The following SUGCT variants were observed in gnomAD, a reference collection of about 807,000 sequenced individuals.
SUGCT encodes succinyl-CoA:glutarate-CoA transferase.
SUGCT carries 41 observed loss-of-function variants against 55.0 expected under a neutral mutation model. That is an observed-to-expected ratio of 0.74 (90% CI 0.58 to 0.97). The LOEUF is 0.97. Ranked by LOEUF, SUGCT falls within the 50% of genes least tolerant of loss-of-function variation. The pLI is 0.00. For synonymous variants in SUGCT, 187 were observed against 200.4 expected, an observed-to-expected ratio of 0.93 and a Z score of 0.56; for missense variants, 568 against 547.8, an observed-to-expected ratio of 1.04 and a Z score of -0.37.
chr7:40,589,224 C>T (rs1340955242), intron 12 of SUGCT, among the ~76,000 whole-genome samples: 1 of 151,934 alleles, frequency 6.6e-6, no homozygotes, highest in African/African-American at 2.4e-5. Context: ...TATGTACCTC[C>T]TTTTTCTTCT....
chr7:40,497,892 C>T lies in SUGCT; in HGVS notation c.1089+1506C>T, dbSNP rs191198109. 2.7e-3 allele frequency among the ~76,000 whole-genome samples: 414 copies of T among 151,826 alleles called. 2 individuals carry two copies. Among genetic ancestry groups the T allele is most frequent in the African/African-American group, 9.1e-3 (379 of 41,478 alleles). ...TAAAAATATATTAAGTATATTCTAA[C>T]ACTACCTATTTTTTAGGCTTTGATA... is the stretch of plus-strand genomic sequence containing the variant. On this transcript the variant is annotated intron_variant, in intron 12 of 13. Coordinates refer to ENST00000335693, the MANE Select transcript of SUGCT (RefSeq NM_001193313.2).
At chr7:40,631,264 A>G (rs1247769062) in intron 12 of SUGCT, among the ~76,000 whole-genome samples, 1 of 152,118 alleles carries the variant, frequency 6.6e-6, no homozygotes, top group East Asian at 1.9e-4. Context: ...GAAACCATTT[A>G]GCTTTCAGCA....
chr7:40,948,789 C>G, the SUGCT span, among the ~76,000 whole-genome samples: 1 of 152,072 alleles, frequency 6.6e-6, no homozygotes, highest in Non-Finnish European at 1.5e-5. Flanking sequence ...TGAACTCATT[C>G]TTTTTTATGG....
At chr7:40,910,151 C>A in the SUGCT span, among the ~76,000 whole-genome samples, 1 of 151,558 alleles carries the variant, frequency 6.6e-6, no homozygotes, top group Non-Finnish European at 1.5e-5. Flanking sequence ...CTAAGACCTA[C>A]CAGCACACAA....
At chr7:40,434,571 A>G (rs1232696117) in intron 9 of SUGCT, among the ~76,000 whole-genome samples, 2 of 152,188 alleles carry the variant, frequency 1.3e-5, no homozygotes, top group Non-Finnish European at 2.9e-5. Flanking sequence ...CAAGAAAAGA[A>G]TTAGTCATAT....
chr7:40,673,139 T>C (rs1455368392), intron 12 of SUGCT, among the ~76,000 whole-genome samples: 1 of 152,252 alleles, frequency 6.6e-6, no homozygotes, highest in African/African-American at 2.4e-5. Context: ...CTTTGTTTCT[T>C]ATTTGGAAAA....
intron 9 of SUGCT, among the ~76,000 whole-genome samples, chr7:40,358,720 C>T (rs952793612): frequency 1.3e-5 from 2 of 150,908 alleles, no homozygotes; most frequent in African/African-American, 4.9e-5. Flanking sequence ...ATCTCAAAAA[C>T]AACAACAACA....
intron 9 of SUGCT, among the ~76,000 whole-genome samples, chr7:40,376,989 C>G (rs955748058): frequency 6.6e-6 from 1 of 151,146 alleles, no homozygotes; most frequent in Admixed American, 6.6e-5. Context: ...TTCTAATGGT[C>G]TTCATGGTTT....
the SUGCT span, among the ~76,000 whole-genome samples, chr7:41,017,227 CT>C: frequency 6.6e-6 from 1 of 152,090 alleles, no homozygotes; most frequent in Non-Finnish European, 1.5e-5. Context: ...TCCCCTAAAA[CT>C]TTGACATTCT....
At chr7:40,566,826 A>G (rs1048754212) in intron 12 of SUGCT, among the ~76,000 whole-genome samples, 2 of 152,302 alleles carry the variant, frequency 1.3e-5, no homozygotes, top group South Asian at 2.1e-4. Context: ...GCACATACCT[A>G]TATTTATATC....
intron 8 of SUGCT, among the ~76,000 whole-genome samples, chr7:40,275,235 G>A (rs955448469): frequency 4.6e-5 from 7 of 152,096 alleles, no homozygotes; most frequent in Non-Finnish European, 1.0e-4. Flanking sequence ...CAAGAGATAT[G>A]GTTGCTTCAC....
chr7:40,236,442 CA>C lies in SUGCT; in HGVS notation c.485-1176del, dbSNP rs60720770. Among the ~76,000 whole-genome samples the C allele has an allele frequency of 4.5e-3, 404 of 89,974 alleles. 3 individuals carry two copies. The highest frequency in any genetic ancestry group is 0.011 in the South Asian group (29 of 2,640). The allele number at this position is 89,974 out of a possible 152,430, so 59.0% of individuals were successfully genotyped here. On this transcript the variant is annotated intron_variant, in intron 6 of 13. Transcript: ENST00000335693. The stretch of plus-strand genomic sequence containing the variant: ...GTGTTCTGTTGATTCTTTCTGATGG[CA>C]AAAAAAAAAAAAAAAATTTGACACC...
intron 6 of SUGCT, among the ~76,000 whole-genome samples, chr7:40,223,368 A>G (rs1467911997): frequency 6.6e-6 from 1 of 152,076 alleles, no homozygotes; most frequent in Non-Finnish European, 1.5e-5. Flanking sequence ...GCCTGTTTTT[A>G]TTTCTTGCCC....
At chr7:40,830,210 C>T (rs929976262) in intron 13 of SUGCT, among the ~76,000 whole-genome samples, 1 of 152,144 alleles carries the variant, frequency 6.6e-6, no homozygotes, top group Admixed American at 6.5e-5. Flanking sequence ...CTGCCTTCAC[C>T]CTTGGGCTAC....
intron 10 of SUGCT, among the ~76,000 whole-genome samples, chr7:40,450,747 C>G (rs1789144724): frequency 6.6e-6 from 1 of 151,032 alleles, no homozygotes; most frequent in South Asian, 2.1e-4. Context: ...GCACTCAAGC[C>G]TAGGTGACAG....
chr7:40,223,701 C>T (rs936545653), intron 6 of SUGCT, among the ~76,000 whole-genome samples: 6 of 152,142 alleles, frequency 3.9e-5, no homozygotes, highest in African/African-American at 4.8e-5. Flanking sequence ...TTGGGCAGTT[C>T]AAAGGTTACT....
chr7:40,915,233 G>A, the SUGCT span, among the ~76,000 whole-genome samples: 4 of 152,080 alleles, frequency 2.6e-5, no homozygotes, highest in Non-Finnish European at 5.9e-5. Flanking sequence ...GTACAAAGTC[G>A]AAGGTCACTA....
chr7:40,600,724 G>GTTT (rs71560195), intron 12 of SUGCT, among the ~76,000 whole-genome samples: 6 of 141,284 alleles, frequency 4.2e-5, no homozygotes, highest in African/African-American at 1.3e-4. Flanking sequence ...AAGGTAGAGA[G>GTTT]TTTTTTTTTT....
chr7:40,526,861 T>G (rs1315220076), intron 12 of SUGCT, among the ~76,000 whole-genome samples: 1 of 152,192 alleles, frequency 6.6e-6, no homozygotes, highest in Admixed American at 6.5e-5. Context: ...ATTTGTTGGT[T>G]TTTCCAAGGT....
Sources: gnomAD v4.1 joint callset for allele counts (sites outside exome capture counted in the v4.1 genomes callset) on GRCh38, gnomAD v4.1.1 for gene constraint, MANE v1.5 for transcripts, NCBI Gene and HGNC (gene_info 2026-07-23, HGNC 2026-07-21) for gene names.